MUTYH: variants seen among roughly 807,000 people sequenced by gnomAD.
MUTYH encodes adenine DNA glycosylase.
MUTYH carries 64 observed loss-of-function variants against 72.9 expected under a neutral mutation model. The ratio of observed to expected loss-of-function variants is 0.88; its 90% CI spans 0.72 to 1.08. The LOEUF (loss-of-function observed/expected upper bound fraction) is 1.08. Ranked by LOEUF, MUTYH falls within the 50% of genes least tolerant of loss-of-function variation. The pLI is 0.00. For synonymous variants in MUTYH, 234 were observed against 263.1 expected (o/e 0.89, Z 1.07); for missense variants, 633 against 671.0 (o/e 0.94, Z 0.63).
chr1:45,340,105 C>T (rs1479471061), upstream of MUTYH: 6 of 1,553,688 alleles, frequency 3.9e-6, no homozygotes, highest in Admixed American at 1.9e-5. Context: ...TTCCCCGCGC[C>T]GGACCCGGGA....
intron 1 of MUTYH, among the ~76,000 whole-genome samples, chr1:45,337,957 G>GA (rs1646166153): frequency 6.6e-6 from 1 of 151,812 alleles, no homozygotes; most frequent in Non-Finnish European, 1.5e-5. Context: ...ACCAAGAGGG[G>GA]AAAAAAAAGA....
chr1:45,332,066 T>C lies in MUTYH; in HGVS notation c.870A>G (p.Leu290=), dbSNP rs1553127406. The change falls in exon 11 of 16, where the codon TTA becomes TTG. Residue 290 remains leucine, a synonymous_variant. Coordinates refer to ENST00000456914, the MANE Select transcript of MUTYH (RefSeq NM_001048174.2). The stretch of plus-strand genomic sequence containing the variant: ...GACTGCCCGACAGGCTCCCTGAGGC[T>C]AAGAGCTGTTCCTGCTCCACCTGAG... ...ARQRVEQEQL[L]ASGSLSGSPD... 12 of 1,614,084 alleles carry C rather than the reference T, an allele frequency of 7.4e-6. No individual in the cohort carries two copies. Among genetic ancestry groups the C allele is most frequent in the African/African-American group, 1.3e-5 (1 of 74,920 alleles).
In MUTYH at chr1:45,332,599, G is replaced by A. The variant is rs1557476104; in HGVS notation, c.581C>T (p.Ala194Val). Residue 194 changes from alanine to valine, a missense_variant, in exon 8 of 16, where the codon GCC (alanine) becomes GTC (valine). Coordinates refer to ENST00000456914, the MANE Select transcript of MUTYH (RefSeq NM_001048174.2). Reference sequence around the variant, plus strand: ...CTGGCCAAAGGCGATAGAGGCAATGGCCCCAGCTGTGTAGCGCCCCACGCC... The same window carrying A: ...CTGGCCAAAGGCGATAGAGGCAATGACCCCAGCTGTGTAGCGCCCCACGCC... The part of the protein sequence containing the change: ...LPGVGRYTAG[A>V]IASIAFGQAT... 6.2e-7 allele frequency: 1 copy of A among 1,614,120 alleles called. No homozygotes were observed.
Position 45,332,946 on chromosome 1 carries a change from A to G in MUTYH, c.392T>C (p.Leu131Pro), listed in dbSNP as rs1490584219. The G allele has an allele frequency of 6.2e-7, 1 of 1,614,108 alleles. No homozygotes were observed. Among genetic ancestry groups the G allele is most frequent in the South Asian group, 1.1e-5 (1 of 91,078 alleles). The change falls in exon 6 of 16, where the codon CTG (leucine) becomes CCG (proline). Residue 131 changes from leucine (L) to proline (P), a missense_variant. Coordinates refer to ENST00000456914, the MANE Select transcript of MUTYH (RefSeq NM_001048174.2). ...YTGWMQKWPT[L>P]QDLASASLEE... ...CAGGGAAGCACTGGCCAGGTCCTGCAGTGTAGGCCACTTCTATAGCCACAG... is the reference window on the plus strand; with the variant it reads ...CAGGGAAGCACTGGCCAGGTCCTGCGGTGTAGGCCACTTCTATAGCCACAG...
intron 15 of MUTYH, chr1:45,329,903 A>G (rs771732323): frequency 5.8e-6 from 1 of 172,912 alleles, no homozygotes; most frequent in Non-Finnish European, 1.2e-5. Context: ...TGCTTCCTCC[A>G]AACAGCCTTT....
chr1:45,334,433 G>A lies in MUTYH; in HGVS notation c.73C>T (p.His25Tyr), dbSNP rs1553131429. Residue 25 changes from histidine (H) to tyrosine (Y), a missense_variant, in exon 2 of 16, where the codon CAT becomes TAT. Transcript: ENST00000456914. ...QAASQEGRQK[H>Y]AKNNSQAKPS... ...TTGGCCTGACTGTTGTTCTTAGCATGCTTCTGCCTCCCTTCCTGGCTGGCT... is the reference window on the plus strand; with the variant it reads ...TTGGCCTGACTGTTGTTCTTAGCATACTTCTGCCTCCCTTCCTGGCTGGCT... 1 of 1,614,014 alleles carries A rather than the reference G, an allele frequency of 6.2e-7. No individual in the cohort carries two copies. The highest frequency in any genetic ancestry group is 1.3e-5 in the African/African-American group (1 of 74,920).
rs144616312 is a variant in MUTYH, at chr1:45,329,356, G to T, written c.1516C>A (p.Arg506=). Residue 506 remains arginine (R), a synonymous_variant, in exon 16 of 16, where the codon CGG becomes AGG. Transcript: ENST00000456914. ...MGQQVLDNFF[R]SHISTDAHSL... Reference sequence around the variant, plus strand: ...TGTGCATCAGTGGAGATGTGAGACCGAAAGAAATTATCCAGGACTTGCTGG... The same window carrying T: ...TGTGCATCAGTGGAGATGTGAGACCTAAAGAAATTATCCAGGACTTGCTGG... 9 of 1,614,214 alleles carry T rather than the reference G, an allele frequency of 5.6e-6. No individual in the cohort carries two copies. The African/African-American group carries it at 1.2e-4, about 22-fold the overall frequency.
At position 45,330,486 on chromosome 1, in the gene MUTYH, A is replaced by T. The variant is rs533101456; in HGVS notation, c.1434+30T>A. 38 of 1,602,048 alleles carry T rather than the reference A, an allele frequency of 2.4e-5. No homozygotes were observed. In the South Asian group the frequency reaches 4.3e-4, roughly 18 times the overall value. ...AACCTATGGACTCAGGCCTGGGGAGACACGGTTGGGAGAGGCCTAGGAGAC... is the reference window on the plus strand; with the variant it reads ...AACCTATGGACTCAGGCCTGGGGAGTCACGGTTGGGAGAGGCCTAGGAGAC... On this transcript the variant is annotated intron_variant, in intron 15 of 15. Coordinates refer to ENST00000456914, the MANE Select transcript of MUTYH (RefSeq NM_001048174.2).
Position 45,332,286 on chromosome 1 carries a change from G to A in MUTYH, c.729C>T (p.Asp243=), listed in dbSNP as rs730881838. The stretch of plus-strand genomic sequence containing the variant: ...GGTTGAAATCTCCTGGCCGGGCTGG[G>A]TCCACCAGCTGCTGGGCTAGACCCC... ...QLWGLAQQLV[D]PARPGDFNQA... is the part of the protein sequence containing the mutation. The change falls in exon 10 of 16, where the codon GAC becomes GAT. Residue 243 remains aspartate (D), a synonymous_variant. Coordinates refer to ENST00000456914, the MANE Select transcript of MUTYH (RefSeq NM_001048174.2). The A allele has an allele frequency of 4.2e-5, 67 of 1,613,942 alleles. No individual in the cohort carries two copies. The highest frequency in any genetic ancestry group is 5.0e-5 in the Admixed American group (3 of 59,996).
Position 45,332,097 on chromosome 1 carries a change from C to T in MUTYH, c.850-11G>A. On this transcript the variant is annotated splice_polypyrimidine_tract_variant and intron_variant, in intron 10 of 15. Transcript: ENST00000456914. ...CTGTTCCTGCTCCACCTGAGAGGCACAGGGTTGAGTGTCATAGGGCAGAGT... is the reference window on the plus strand; with the variant it reads ...CTGTTCCTGCTCCACCTGAGAGGCATAGGGTTGAGTGTCATAGGGCAGAGT... The T allele has an allele frequency of 6.2e-7, 1 of 1,614,210 alleles. No individual in the cohort carries two copies. Among genetic ancestry groups the T allele is most frequent in the Non-Finnish European group, 8.5e-7 (1 of 1,180,026 alleles).
In MUTYH at chr1:45,332,902, C is replaced by T. The variant is rs576152721; in HGVS notation, c.420+16G>A. ...CTCTATTGTTCCTATTTCCCCTACC[C>T]TAGGGTGGCTCTCACCTCCAGGGAA... is the stretch of plus-strand genomic sequence containing the variant. On this transcript the variant is annotated intron_variant, in intron 6 of 15. Transcript: ENST00000456914. 51 of 1,614,042 alleles carry T rather than the reference C, an allele frequency of 3.2e-5. No homozygotes were observed. In the African/African-American group the frequency reaches 6.0e-4, roughly 19 times the overall value.
rs79777494 is a variant in MUTYH, at chr1:45,334,495, G to A, written c.11C>T (p.Pro4Leu). MRKPRAAVGSGHRK... is the reference protein window; with the variant it reads MRKLRAAVGSGHRK... Reference sequence around the variant, plus strand: ...GTGACCACTTCCCACGGCTGCTCGTGGCTTCCTCATGATGGCCTGAAACAA... The same window carrying A: ...GTGACCACTTCCCACGGCTGCTCGTAGCTTCCTCATGATGGCCTGAAACAA... Residue 4 changes from proline to leucine, a missense_variant, in exon 2 of 16, where the codon CCA becomes CTA. Coordinates refer to ENST00000456914, the MANE Select transcript of MUTYH (RefSeq NM_001048174.2). 4.4e-4 allele frequency: 712 copies of A among 1,614,074 alleles called. 7 individuals are homozygous for A. The East Asian group carries it at 0.011, about 26-fold the overall frequency.
chr1:45,329,266 TAAC>T lies in MUTYH; in HGVS notation c.*37_*39del, dbSNP rs373507005. On this transcript the variant is annotated 3_prime_UTR_variant, in exon 16 of 16. Transcript: ENST00000456914. Reference sequence around the variant, plus strand: ...ATAACTACAAAAATAAGCACTTTACTAACAACAGGATTCTCAGGGAATGGGGGC... The same window carrying T: ...ATAACTACAAAAATAAGCACTTTACTAACAGGATTCTCAGGGAATGGGGGC... 4.4e-4 allele frequency: 709 copies of T among 1,613,636 alleles called. 7 individuals carry two copies. The East Asian group carries it at 0.011, about 26-fold the overall frequency.
Position 45,330,954 on chromosome 1 carries a change from G to A in MUTYH, c.1392+228C>T, listed in dbSNP as rs3219491. Among the ~76,000 whole-genome samples the A allele has an allele frequency of 3.6e-3, 552 of 151,910 alleles. 4 individuals carry two copies. The highest frequency in any genetic ancestry group is 6.8e-3 in the Middle Eastern group (2 of 294). ...ACAAAAATTAGCCAGGCATGGTGGCGGGCGCCTGTAATCCGAGCTACTCAG... is the reference window on the plus strand; with the variant it reads ...ACAAAAATTAGCCAGGCATGGTGGCAGGCGCCTGTAATCCGAGCTACTCAG... On this transcript the variant is annotated intron_variant, in intron 14 of 15. Transcript: ENST00000456914.
chr1:45,333,469 C>T lies in MUTYH; in HGVS notation c.208G>A (p.Gly70Arg), dbSNP rs1570443086. 1 of 1,614,230 alleles carries T rather than the reference C, an allele frequency of 6.2e-7. No homozygotes were observed. The highest frequency in any genetic ancestry group is 1.1e-5 in the South Asian group (1 of 91,082). ...RDVAEVTAFR[G>R]SLLSWYDQEK... is the part of the protein sequence containing the mutation. ...TGGTCGTACCAGCTTAGCAGGCTCC[C>T]TCGGAAGGCTGTGACTTCAGCTACG... Residue 70 changes from glycine to arginine, a missense_variant, in exon 3 of 16, where the codon GGG becomes AGG. Physicochemically the swap from Gly to Arg is moderately radical, Grantham distance 125 (BLOSUM62 -2). Transcript: ENST00000456914.
upstream of MUTYH, chr1:45,340,392 A>G (rs2149250631): frequency 6.5e-7 from 1 of 1,547,962 alleles, no homozygotes; most frequent in Non-Finnish European, 8.7e-7. Context: ...AGGCTCCTCA[A>G]GCTTCAGAGG....
rs750977867 is a variant in MUTYH at position 45,330,571 on chromosome 1, C to T, written c.1393-14G>A. 3 of 1,606,156 alleles carry T rather than the reference C, an allele frequency of 1.9e-6. No individual in the cohort carries two copies. The South Asian group carries it at 3.4e-5, about 18-fold the overall frequency. ...CACACGGAAAACCTAGACAAGAAGA[C>T]AGGGAGGTGAGGGCTGGCACTTTTT... On this transcript the variant is annotated splice_polypyrimidine_tract_variant and intron_variant, in intron 14 of 15. Coordinates refer to ENST00000456914, the MANE Select transcript of MUTYH (RefSeq NM_001048174.2).
At chr1:45,337,739 GA>G (rs1480977644) in intron 1 of MUTYH, among the ~76,000 whole-genome samples, 1 of 150,518 alleles carries the variant, frequency 6.6e-6, no homozygotes, top group African/African-American at 2.4e-5. Flanking sequence ...GTCTCTTAAA[GA>G]AAAAAAAAGA....
chr1:45,339,195 T>A (rs1449892593), intron 1 of MUTYH, among the ~76,000 whole-genome samples: 3 of 149,030 alleles, frequency 2.0e-5, no homozygotes, highest in African/African-American at 7.5e-5. Flanking sequence ...GGGACTAGTC[T>A]CCAATAGGAA....
Sources: gnomAD v4.1 joint callset for allele counts (sites outside exome capture counted in the v4.1 genomes callset) on GRCh38, gnomAD v4.1.1 for gene constraint, MANE v1.5 for transcripts, NCBI Gene and HGNC (gene_info 2026-07-23, HGNC 2026-07-21) for gene names.